Variants in SAMD5 observed in about 807,000 individuals in gnomAD.
The protein encoded by SAMD5 is sterile alpha motif domain containing 5.
SAMD5 carries 13 observed loss-of-function variants against 11.3 expected under a neutral mutation model. That is an observed-to-expected ratio of 1.15 (90% confidence interval 0.75 to 1.83). The LOEUF (loss-of-function observed/expected upper bound fraction) is 1.83, where lower values mean the gene tolerates loss of function less well. SAMD5 is among the 40% of genes most tolerant of loss of function. The pLI is 0.00. For synonymous variants in SAMD5, 129 were observed against 111.3 expected, an observed-to-expected ratio of 1.16 and a Z score of -1.00; for missense variants, 255 against 239.1, an observed-to-expected ratio of 1.07 and a Z score of -0.44.
At chr6:147,545,119 T>C (rs1192593125) in intron 1 of SAMD5, among the ~76,000 whole-genome samples, 1 of 152,226 alleles carries the variant, frequency 6.6e-6, no homozygotes, top group Admixed American at 6.5e-5. Flanking sequence ...TGATTTATGC[T>C]CGGTGAAATT....
intron 1 of SAMD5, 99 bp from the exon 2 acceptor site, chr6:147,564,295 A>T (rs979173574): frequency 1.8e-5 from 13 of 732,636 alleles, no homozygotes; most frequent in Non-Finnish European, 3.0e-5. Flanking sequence ...GCAGAAAGGG[A>T]CAAGAATGAC....
chr6:147,772,976 C>T, the SAMD5 span, among the ~76,000 whole-genome samples: 3 of 152,078 alleles, frequency 2.0e-5, no homozygotes, highest in Non-Finnish European at 4.4e-5. Flanking sequence ...GAGGGTGGAA[C>T]GACACTCACA....
chr6:147,932,150 C>T, the SAMD5 span, among the ~76,000 whole-genome samples: 1 of 152,038 alleles, frequency 6.6e-6, no homozygotes, highest in Non-Finnish European at 1.5e-5. Context: ...TTTGTGGAAC[C>T]AGATAAGACA....
At chr6:147,862,643 T>A in the SAMD5 span, among the ~76,000 whole-genome samples, 1 of 152,184 alleles carries the variant, frequency 6.6e-6, no homozygotes. Flanking sequence ...TATCAAATAG[T>A]GTAACAAATT....
intron 1 of SAMD5, among the ~76,000 whole-genome samples, chr6:147,620,073 G>A (rs1036135959): frequency 6.6e-6 from 1 of 152,184 alleles, no homozygotes; most frequent in African/African-American, 2.4e-5. Context: ...CCGGAGCCAC[G>A]TGTAGCCCTT....
At chr6:147,799,879 CA>C in the SAMD5 span, among the ~76,000 whole-genome samples, 1 of 152,178 alleles carries the variant, frequency 6.6e-6, no homozygotes, top group Non-Finnish European at 1.5e-5. Context: ...GAGGCTTCTG[CA>C]TTCTTCACGT....
intron 1 of SAMD5, among the ~76,000 whole-genome samples, chr6:147,588,799 G>C (rs1211596863): frequency 6.6e-6 from 1 of 152,024 alleles, no homozygotes; most frequent in Admixed American, 6.5e-5. Flanking sequence ...AACTGGTACT[G>C]GGTTGTTTTC....
chr6:147,542,616 TG>T (rs1192421814), intron 1 of SAMD5, among the ~76,000 whole-genome samples: 2 of 151,994 alleles, frequency 1.3e-5, no homozygotes, highest in Non-Finnish European at 2.9e-5. Context: ...AGTTCCTGGG[TG>T]GGGGCCGCAA....
chr6:147,685,299 C>A (rs151231607), intron 1 of SAMD5, among the ~76,000 whole-genome samples: 1 of 152,106 alleles, frequency 6.6e-6, no homozygotes, highest in Non-Finnish European at 1.5e-5. Flanking sequence ...CAGGTTCAAG[C>A]GATTCTCTTG....
At chr6:147,853,181 G>A in the SAMD5 span, among the ~76,000 whole-genome samples, 1 of 152,116 alleles carries the variant, frequency 6.6e-6, no homozygotes, top group African/African-American at 2.4e-5. Flanking sequence ...ATATATAGAT[G>A]CCCTGGTGCC....
At chr6:147,815,844 T>C in the SAMD5 span, among the ~76,000 whole-genome samples, 1 of 152,166 alleles carries the variant, frequency 6.6e-6, no homozygotes, top group Non-Finnish European at 1.5e-5. Flanking sequence ...TAACAGAGTA[T>C]TCAATCTGGC....
At position 147,568,780 on chromosome 6, in the gene SAMD5, A is replaced by G. The variant is rs1191209103; in HGVS notation, c.*4324A>G. 2.1e-6 allele frequency: 2 copies of G among 969,644 alleles called. No individual in the cohort carries two copies. Among genetic ancestry groups the G allele is most frequent in the East Asian group, 1.1e-4 (1 of 8,744 alleles). The allele number at this position is 969,644 out of a possible 1,614,324, so 60.1% of individuals were successfully genotyped here. ...ATTCCTACATCAGATATTTTACACT[A>G]TCAGATTCTTTGATTAAAAAATCAT... On this transcript the variant is annotated 3_prime_UTR_variant, in exon 2 of 2. Transcript: ENST00000367474.
chr6:147,666,158 C>T (rs1399339358), intron 1 of SAMD5, among the ~76,000 whole-genome samples: 1 of 152,294 alleles, frequency 6.6e-6, no homozygotes, highest in African/African-American at 2.4e-5. Context: ...AGGCTGGTCG[C>T]CAACTCCTGA....
the SAMD5 span, among the ~76,000 whole-genome samples, chr6:147,809,004 A>C: frequency 6.6e-6 from 1 of 152,198 alleles, no homozygotes; most frequent in African/African-American, 2.4e-5. Context: ...TTATGATGTT[A>C]GGGCTTAATT....
the SAMD5 span, among the ~76,000 whole-genome samples, chr6:147,915,934 A>T: frequency 8.6e-6 from 1 of 116,534 alleles, no homozygotes; most frequent in South Asian, 3.1e-4. Context: ...CCGGTGTGTG[A>T]TGTTCTCCTT....
the SAMD5 span, among the ~76,000 whole-genome samples, chr6:147,945,614 T>C: frequency 6.6e-6 from 1 of 152,044 alleles, no homozygotes; most frequent in Non-Finnish European, 1.5e-5. Context: ...TGAATAAAAG[T>C]GACGCTATTG....
At chr6:147,855,628 C>A in the SAMD5 span, among the ~76,000 whole-genome samples, 1 of 152,074 alleles carries the variant, frequency 6.6e-6, no homozygotes, top group South Asian at 2.1e-4. Flanking sequence ...ATAGTTTAAG[C>A]AGCAAATATT....
chr6:147,568,781 T>A lies in SAMD5; in HGVS notation c.*4325T>A. ...TTCCTACATCAGATATTTTACACTA[T>A]CAGATTCTTTGATTAAAAAATCATC... On this transcript the variant is annotated 3_prime_UTR_variant, in exon 2 of 2. Coordinates refer to ENST00000367474, the MANE Select transcript of SAMD5 (RefSeq NM_001030060.3). The A allele has an allele frequency of 1.0e-6, 1 of 969,120 alleles. No homozygotes were observed. The highest frequency in any genetic ancestry group is 1.2e-6 in the Non-Finnish European group (1 of 815,038). 60.0% of individuals were successfully genotyped at this position (969,120 alleles called of 1,614,324 possible).
the SAMD5 span, among the ~76,000 whole-genome samples, chr6:147,889,703 A>G: frequency 7.9e-5 from 12 of 152,234 alleles, no homozygotes; most frequent in African/African-American, 2.9e-4. Context: ...ATTATGAGCC[A>G]CAGGTAACCT....
Sources: gnomAD v4.1 joint callset for allele counts (sites outside exome capture counted in the v4.1 genomes callset) on GRCh38, gnomAD v4.1.1 for gene constraint, MANE v1.5 for transcripts, NCBI Gene and HGNC (gene_info 2026-07-23, HGNC 2026-07-21) for gene names.